Variants in EYS observed in about 807,000 individuals in gnomAD.
EYS encodes protein eyes shut homolog.
A neutral mutation model predicts 282.1 loss-of-function variants in EYS; 250 were observed. The ratio of observed to expected loss-of-function variants is 0.89; its 90% confidence interval spans 0.80 to 0.98. The LOEUF (loss-of-function observed/expected upper bound fraction) is 0.98, where lower values mean the gene tolerates loss of function less well. Ranked by LOEUF, EYS falls within the 50% of genes least tolerant of loss-of-function variation. The probability of loss-of-function intolerance (pLI) is 0.00; values close to 1 mark genes in which losing one functional copy is unlikely to be tolerated. For synonymous variants in EYS, 1,355 were observed against 1,282.9 expected (o/e 1.06, Z -1.20); for missense variants, 4,016 against 3,709.0 (o/e 1.08, Z -2.15).
At chr6:65,560,085 C>T (rs1768980400) in intron 2 of EYS, among the ~76,000 whole-genome samples, 1 of 149,392 alleles carries the variant, frequency 6.7e-6, no homozygotes, top group Non-Finnish European at 1.5e-5. Flanking sequence ...ATATCTATTA[C>T]TCAAAACATT....
intron 30 of EYS, among the ~76,000 whole-genome samples, chr6:64,298,066 C>A (rs1455036736): frequency 6.6e-6 from 1 of 151,860 alleles, no homozygotes; most frequent in Non-Finnish European, 1.5e-5. Context: ...CTGGACCTTC[C>A]TTGCTAGAAA....
At position 64,249,464 on chromosome 6, in the gene EYS, G is replaced by A. The variant is rs114847199; in HGVS notation, c.6192-18640C>T. ...TTTTCAAGTGATGGATATTCCAAAAGCCCTGACTTGACCACTGTGCAATCT... is the reference window on the plus strand; with the variant it reads ...TTTTCAAGTGATGGATATTCCAAAAACCCTGACTTGACCACTGTGCAATCT... On this transcript the variant is annotated intron_variant, in intron 30 of 42. Coordinates refer to ENST00000503581, the MANE Select transcript of EYS (RefSeq NM_001142800.2). Among the ~76,000 whole-genome samples, 1,210 of 152,212 alleles carry A rather than the reference G, an allele frequency of 7.9e-3. 18 individuals are homozygous for A. The highest frequency in any genetic ancestry group is 0.028 in the African/African-American group (1,178 of 41,512).
At chr6:65,502,529 T>C (rs1345286941) in intron 2 of EYS, among the ~76,000 whole-genome samples, 1 of 151,714 alleles carries the variant, frequency 6.6e-6, no homozygotes, top group East Asian at 1.9e-4. Flanking sequence ...TCACAATTAA[T>C]GAATTAATAT....
chr6:65,187,444 T>C (rs1240574333), intron 12 of EYS, among the ~76,000 whole-genome samples: 3 of 151,750 alleles, frequency 2.0e-5, no homozygotes. Flanking sequence ...CATGTCAACA[T>C]GTCATTTTAT....
chr6:65,267,222 T>C (rs964637881), intron 12 of EYS, among the ~76,000 whole-genome samples: 11 of 151,974 alleles, frequency 7.2e-5, no homozygotes, highest in African/African-American at 2.4e-4. Flanking sequence ...GGGTAAAATA[T>C]TTCTCAGTTA....
chr6:65,103,491 T>C (rs1441330476), intron 12 of EYS, among the ~76,000 whole-genome samples: 1 of 151,464 alleles, frequency 6.6e-6, no homozygotes, highest in African/African-American at 2.4e-5. Context: ...CACCAGACTC[T>C]AATAGTCAAT....
At chr6:65,350,989 TATA>T (rs557192211) in intron 9 of EYS, among the ~76,000 whole-genome samples, 1 of 151,874 alleles carries the variant, frequency 6.6e-6, no homozygotes, top group South Asian at 2.1e-4. Flanking sequence ...AATTACATTT[TATA>T]TTTCGTGAGG....
At chr6:63,923,656 G>T (rs1764635187) in intron 35 of EYS, among the ~76,000 whole-genome samples, 1 of 152,140 alleles carries the variant, frequency 6.6e-6, no homozygotes, top group African/African-American at 2.4e-5. Flanking sequence ...TGCTGAGGTT[G>T]GGAGTACGAC....
chr6:64,941,294 T>A (rs542564159), intron 15 of EYS, among the ~76,000 whole-genome samples: 48 of 152,048 alleles, frequency 3.2e-4, no homozygotes, highest in Admixed American at 1.4e-3. Flanking sequence ...GCAGGAGAAT[T>A]ACTTGAACCC....
chr6:65,141,922 T>A (rs1298230217), intron 12 of EYS, among the ~76,000 whole-genome samples: 1 of 151,878 alleles, frequency 6.6e-6, no homozygotes. Context: ...TCTAAAAAAA[T>A]TTTTGAGGAA....
At chr6:65,033,073 A>G (rs994882882) in intron 13 of EYS, among the ~76,000 whole-genome samples, 3 of 152,204 alleles carry the variant, frequency 2.0e-5, no homozygotes, top group Admixed American at 6.5e-5. Flanking sequence ...TGGAGGTATG[A>G]AATCAAGAGT....
chr6:64,580,480 G>A (rs1766026216), intron 26 of EYS, among the ~76,000 whole-genome samples: 1 of 152,124 alleles, frequency 6.6e-6, no homozygotes, highest in South Asian at 2.1e-4. Context: ...AAGGGACTAT[G>A]AGCACTGAAG....
chr6:64,032,370 A>G (rs922463222), intron 33 of EYS, among the ~76,000 whole-genome samples: 3 of 152,216 alleles, frequency 2.0e-5, no homozygotes, highest in African/African-American at 7.2e-5. Context: ...CCCTAATGAC[A>G]AATGATTTTG....
rs185355030 is a variant in EYS, at chr6:65,182,328, A to G, written c.2023+113535T>C. Among the ~76,000 whole-genome samples the G allele has an allele frequency of 4.4e-4, 67 of 151,684 alleles. 1 individual carries two copies. The highest frequency in any genetic ancestry group is 4.1e-3 in the South Asian group (20 of 4,828). ...AAAATTTGAACACAATAGGCTATTA[A>G]TGAAACTTTATTTAAATCTTTATAT... On this transcript the variant is annotated intron_variant, in intron 12 of 42. Coordinates refer to ENST00000503581, the MANE Select transcript of EYS (RefSeq NM_001142800.2).
At chr6:64,335,473 T>C (rs1231414812) in intron 29 of EYS, among the ~76,000 whole-genome samples, 1 of 152,118 alleles carries the variant, frequency 6.6e-6, no homozygotes, top group East Asian at 1.9e-4. Context: ...AATGTTGTAA[T>C]GCTGCCTTTG....
At chr6:65,139,134 A>G (rs982982150) in intron 12 of EYS, among the ~76,000 whole-genome samples, 11 of 152,142 alleles carry the variant, frequency 7.2e-5, no homozygotes, top group African/African-American at 2.7e-4. Flanking sequence ...ATGCACACAT[A>G]TGTTCATCGC....
chr6:65,693,021 C>T (rs1769299646), intron 1 of EYS, among the ~76,000 whole-genome samples: 1 of 149,964 alleles, frequency 6.7e-6, no homozygotes, highest in Admixed American at 6.7e-5. Flanking sequence ...AAATACCATA[C>T]ACTTCAAGGT....
intron 2 of EYS, among the ~76,000 whole-genome samples, chr6:65,629,143 A>G (rs1361059367): frequency 2.6e-5 from 4 of 152,212 alleles, no homozygotes; most frequent in Non-Finnish European, 5.9e-5. Context: ...CAAATAGTGC[A>G]AGGAAATGAG....
intron 5 of EYS, among the ~76,000 whole-genome samples, chr6:65,441,730 G>A (rs968465428): frequency 1.1e-4 from 17 of 151,996 alleles, no homozygotes; most frequent in African/African-American, 4.1e-4. Context: ...TAAAAACACA[G>A]AACTGTAGAA....
Sources: gnomAD v4.1 joint callset for allele counts (sites outside exome capture counted in the v4.1 genomes callset) on GRCh38, gnomAD v4.1.1 for gene constraint, MANE v1.5 for transcripts, NCBI Gene and HGNC (gene_info 2026-07-23, HGNC 2026-07-21) for gene names.